Variants in BAHD1 observed in about 807,000 individuals in gnomAD.
BAHD1 encodes the protein bromo adjacent homology domain containing 1.
BAHD1 carries 20 observed loss-of-function variants against 63.1 expected under a neutral mutation model. The ratio of observed to expected loss-of-function variants is 0.32; its 90% confidence interval spans 0.22 to 0.46. The LOEUF is 0.46. BAHD1 is among the 20% of genes least tolerant of loss of function. The probability of loss-of-function intolerance (pLI) is 1.00; values close to 1 mark genes in which losing one functional copy is unlikely to be tolerated. For synonymous variants in BAHD1, 408 were observed against 426.8 expected (o/e 0.96, Z 0.54); for missense variants, 939 against 1,071.8 (o/e 0.88, Z 1.73).
At chr15:40,465,272 C>A in intron 5 of BAHD1, 63 bp from the exon 6 acceptor site, 1 of 1,465,386 alleles carries the variant, frequency 6.8e-7, no homozygotes, top group Non-Finnish European at 9.6e-7. Flanking sequence ...TTAATGTCTG[C>A]CTTGCTCTGG....
At chr15:40,440,643 A>C (rs936561004), upstream of BAHD1, among the ~76,000 whole-genome samples, 1 of 152,070 alleles carries the variant, frequency 6.6e-6, no homozygotes, top group Non-Finnish European at 1.5e-5. Context: ...CTGAAGACGA[A>C]GAGAAAAATC....
At position 40,459,209 on chromosome 15, in the gene BAHD1, T is replaced by C. The variant is rs761359279; in HGVS notation, c.745T>C (p.Trp249Arg). ...PPAPKAPRPKWPKVNGKNYPK... is the reference protein window; with the variant it reads ...PPAPKAPRPKRPKVNGKNYPK... ...AGCACCCAAGGCCCCGAGGCCAAAG[T>C]GGCCCAAGGTCAATGGCAAGAACTA... is the stretch of plus-strand genomic sequence containing the variant. Residue 249 changes from tryptophan to arginine, a missense_variant, in exon 2 of 7, where the codon TGG becomes CGG. This residue lies in a region of BAHD1 where 797 missense variants were observed against 813.3 expected (regional missense o/e 0.98). Coordinates refer to ENST00000416165, the MANE Select transcript of BAHD1 (RefSeq NM_014952.5). The C allele has an allele frequency of 6.2e-7, 1 of 1,611,646 alleles. No homozygotes were observed. Among genetic ancestry groups the C allele is most frequent in the Non-Finnish European group, 8.5e-7 (1 of 1,178,960 alleles).
chr15:40,462,963 C>G (rs976253125), intron 3 of BAHD1, among the ~76,000 whole-genome samples: 2 of 152,032 alleles, frequency 1.3e-5, no homozygotes, highest in Non-Finnish European at 1.5e-5. Context: ...CAGAGAGACC[C>G]TGGCTTTTAA....
intron 1 of BAHD1, among the ~76,000 whole-genome samples, chr15:40,456,824 GT>G (rs1893864149): frequency 6.6e-6 from 1 of 152,228 alleles, no homozygotes; most frequent in East Asian, 1.9e-4. Flanking sequence ...GTGGGGATGG[GT>G]TGCAGGAGTA....
chr15:40,459,586 T>C lies in BAHD1; in HGVS notation c.1122T>C (p.Thr374=). Residue 374 remains threonine (T), a synonymous_variant, in exon 2 of 7, where the codon ACT becomes ACC. Transcript: ENST00000416165. ...YNGLCVGPEL[T]ALGSFYLYCG... is the part of the protein sequence containing the mutation. ...GCCTGTGTGTTGGGCCTGAGCTCACTGCACTAGGCAGCTTCTACCTGTACT... is the reference window on the plus strand; with the variant it reads ...GCCTGTGTGTTGGGCCTGAGCTCACCGCACTAGGCAGCTTCTACCTGTACT... The C allele has an allele frequency of 6.2e-7, 1 of 1,614,184 alleles. No homozygotes were observed. Among genetic ancestry groups the C allele is most frequent in the South Asian group, 1.1e-5 (1 of 91,092 alleles).
At position 40,459,710 on chromosome 15, in the gene BAHD1, C is replaced by G. The variant is rs746882646; in HGVS notation, c.1246C>G (p.Leu416Val). ...PVAAPHEEGL[L>V]LAPSSVPSGT... The stretch of plus-strand genomic sequence containing the variant: ...GGCTGCACCTCACGAGGAGGGGCTC[C>G]TCTTAGCTCCGAGCTCAGTGCCCTC... Residue 416 changes from leucine (L) to valine (V), a missense_variant, in exon 2 of 7, where the codon CTC becomes GTC. By Grantham distance (32) the Leu-to-Val change is conservative (BLOSUM62 1). Around this residue, in one of 5 missense-constraint regions of BAHD1, gnomAD observed 797 missense variants for 813.3 expected, o/e 0.98. Transcript: ENST00000416165. 6 of 1,613,992 alleles carry G rather than the reference C, an allele frequency of 3.7e-6. No homozygotes were observed. In the Admixed American group the frequency reaches 1.0e-4, roughly 27 times the overall value.
chr15:40,454,494 T>G (rs1214591482), intron 1 of BAHD1: 1 of 152,166 alleles, frequency 6.6e-6, no homozygotes, highest in African/African-American at 2.4e-5. Flanking sequence ...TAGAGTACAC[T>G]TCTGAGGATT....
chr15:40,462,720 C>T (rs73387102), intron 3 of BAHD1, among the ~76,000 whole-genome samples: 6 of 152,102 alleles, frequency 3.9e-5, no homozygotes, highest in Admixed American at 6.5e-5. Flanking sequence ...AGGCCAAGTG[C>T]GGTGGCTCAC....
rs753132402 is a variant in BAHD1 at position 40,466,140 on chromosome 15, G to T, written c.*10G>T. 1.2e-6 allele frequency: 2 copies of T among 1,608,962 alleles called. No individual in the cohort carries two copies. The highest frequency in any genetic ancestry group is 1.1e-5 in the South Asian group (1 of 90,352). Reference sequence around the variant, plus strand: ...TAAGAACCCCCAGTAGCCTCCTCATGCCCATGCTGGGGCTACCCATGGGCA... The same window carrying T: ...TAAGAACCCCCAGTAGCCTCCTCATTCCCATGCTGGGGCTACCCATGGGCA... On this transcript the variant is annotated 3_prime_UTR_variant, in exon 7 of 7. Transcript: ENST00000416165.
intron 3 of BAHD1, among the ~76,000 whole-genome samples, chr15:40,462,831 A>G (rs913060009): frequency 1.3e-5 from 2 of 152,178 alleles, no homozygotes; most frequent in African/African-American, 4.8e-5. Flanking sequence ...TCTACAAAGT[A>G]AAAACATTAG....
chr15:40,467,044 C>G lies in BAHD1; in HGVS notation c.*914C>G, dbSNP rs1460382630. 2.0e-5 allele frequency: 3 copies of G among 152,490 alleles called. No individual in the cohort carries two copies. Among genetic ancestry groups the G allele is most frequent in the Non-Finnish European group, 4.4e-5 (3 of 68,060 alleles). 9.4% of individuals were successfully genotyped at this position (152,490 alleles called of 1,614,324 possible). On this transcript the variant is annotated 3_prime_UTR_variant, in exon 7 of 7. Coordinates refer to ENST00000416165, the MANE Select transcript of BAHD1 (RefSeq NM_014952.5). ...CAAGCCACACCCACCTGAAATCAAA[C>G]CAAAGGAGTGCTGTGGCTCCCCTTG...
Position 40,458,306 on chromosome 15 carries a change from G to T in BAHD1, c.-14-145G>T, listed in dbSNP as rs1287817866. 28 of 1,062,124 alleles carry T rather than the reference G, an allele frequency of 2.6e-5. 1 individual carries two copies. Among genetic ancestry groups the T allele is most frequent in the African/African-American group, 4.8e-5 (3 of 62,446 alleles). The allele number at this position is 1,062,124 out of a possible 1,614,324, so 65.8% of individuals were successfully genotyped here. A position where few individuals can be genotyped will look rare whatever the true frequency, so the allele number is the denominator to read the frequency against. The stretch of plus-strand genomic sequence containing the variant: ...ACTGCCCCTTCACACTCTGGAAAGG[G>T]AGTCCCAGGAAAATCCATACTGGAG... On this transcript the variant is annotated intron_variant, in intron 1 of 6. Coordinates refer to ENST00000416165, the MANE Select transcript of BAHD1 (RefSeq NM_014952.5). The surrounding 1 kb of genome is among the most constrained non-coding windows in gnomAD (Gnocchi z 4.7).
chr15:40,443,762 G>A (rs1005193814), intron 1 of BAHD1, among the ~76,000 whole-genome samples: 15 of 151,656 alleles, frequency 9.9e-5, no homozygotes, highest in African/African-American at 3.6e-4. Flanking sequence ...GCAGCTACCA[G>A]GTCATTCTTC....
At chr15:40,456,053 A>G (rs752343607) in intron 1 of BAHD1, among the ~76,000 whole-genome samples, 3 of 151,912 alleles carry the variant, frequency 2.0e-5, no homozygotes, top group African/African-American at 4.8e-5. Context: ...GCTCACTGCA[A>G]CCTCCACCTC....
chr15:40,439,542 T>C (rs1254269027), upstream of BAHD1, among the ~76,000 whole-genome samples: 1 of 152,186 alleles, frequency 6.6e-6, no homozygotes, highest in East Asian at 1.9e-4. Flanking sequence ...CTGGGCAGCC[T>C]CAGCACTCTG....
chr15:40,450,567 C>G (rs1283669084), intron 1 of BAHD1, among the ~76,000 whole-genome samples: 1 of 152,198 alleles, frequency 6.6e-6, no homozygotes, highest in East Asian at 1.9e-4. Context: ...TTCCCTGGTT[C>G]TGCTGAGGCC....
intron 1 of BAHD1, among the ~76,000 whole-genome samples, chr15:40,450,515 G>A (rs1893668731): frequency 6.6e-6 from 1 of 152,238 alleles, no homozygotes; most frequent in Non-Finnish European, 1.5e-5. Context: ...CTGGTGAGCT[G>A]TTCATGTTTT....
chr15:40,442,184 G>A (rs1328726596), intron 1 of BAHD1, among the ~76,000 whole-genome samples: 2 of 152,080 alleles, frequency 1.3e-5, no homozygotes, highest in Non-Finnish European at 2.9e-5. Context: ...TGGCGGTGAA[G>A]CGCCGGACAA....
chr15:40,464,982 G>A (rs1042820871), intron 5 of BAHD1: 4 of 389,350 alleles, frequency 1.0e-5, no homozygotes, highest in African/African-American at 8.1e-5. Context: ...CCATCTGTGT[G>A]TGCCCTGGGC....
Sources: gnomAD v4.1 joint callset for allele counts (sites outside exome capture counted in the v4.1 genomes callset) on GRCh38, gnomAD v4.1.1 for gene constraint, gnomAD v4.1.1 regional missense constraint, Gnocchi (gnomAD v3.1) non-coding constraint, MANE v1.5 for transcripts, NCBI Gene and HGNC (gene_info 2026-07-23, HGNC 2026-07-21) for gene names.